Variants in KCNQ3 observed in about 807,000 individuals in gnomAD.
KCNQ3 encodes the protein potassium voltage-gated channel subfamily KQT member 3.
In KCNQ3, 30 loss-of-function variants were observed where a neutral mutation model predicts 92.5. That is an observed-to-expected ratio of 0.32 (90% confidence interval 0.24 to 0.44). The LOEUF is 0.44. KCNQ3 is among the 20% of genes least tolerant of loss of function. KCNQ3 has a pLI of 1.00. For synonymous variants in KCNQ3, 450 were observed against 468.8 expected, an observed-to-expected ratio of 0.96 and a Z score of 0.52; for missense variants, 913 against 1,140.3, an observed-to-expected ratio of 0.80 and a Z score of 2.87.
intron 1 of KCNQ3, among the ~76,000 whole-genome samples, chr8:132,408,389 G>A (rs1820554141): frequency 6.6e-6 from 1 of 152,056 alleles, no homozygotes; most frequent in African/African-American, 2.4e-5. Context: ...GGTCTTCTAG[G>A]CATCCCCCTG....
intron 6 of KCNQ3, 31 bp downstream of exon 6, chr8:132,174,208 A>T (rs905231917): frequency 1.4e-6 from 2 of 1,479,544 alleles, no homozygotes; most frequent in African/African-American, 2.8e-5. Flanking sequence ...TGCACGTCAC[A>T]TTGGGGATGT....
chr8:132,230,476 AGAGAG>A (rs1298083617), intron 1 of KCNQ3, among the ~76,000 whole-genome samples: 11 of 151,556 alleles, frequency 7.3e-5, no homozygotes, highest in African/African-American at 2.7e-4. Context: ...AGAGAGAGAG[AGAGAG>A]AAAATCCTTT....
At chr8:132,297,401 T>A (rs1346658219) in intron 1 of KCNQ3, among the ~76,000 whole-genome samples, 2 of 152,146 alleles carry the variant, frequency 1.3e-5, no homozygotes, top group Admixed American at 6.5e-5. Context: ...TTTAATTAGA[T>A]CCCATTTGTC....
chr8:132,404,465 G>A (rs1373175290), intron 1 of KCNQ3, among the ~76,000 whole-genome samples: 1 of 152,082 alleles, frequency 6.6e-6, no homozygotes, highest in African/African-American at 2.4e-5. Context: ...AATCAGGGTG[G>A]GTCTAATTCA....
At chr8:132,170,957 T>C (rs1343151114) in intron 7 of KCNQ3, among the ~76,000 whole-genome samples, 1 of 151,848 alleles carries the variant, frequency 6.6e-6, no homozygotes, top group African/African-American at 2.4e-5. Context: ...AGGTTGAGGC[T>C]GCAGTGAGCC....
rs117007137 is a variant in KCNQ3 at position 132,280,387 on chromosome 8, C to T, written c.387-94206G>A. 4.5e-3 allele frequency among the ~76,000 whole-genome samples: 680 copies of T among 152,254 alleles called. 2 individuals are homozygous for T. The highest frequency in any genetic ancestry group is 7.0e-3 in the Non-Finnish European group (473 of 68,024). ...GGAGGCCTTAGGGAGCTTTTACTCA[C>T]GGCAGAAAGCGAAGCAGCAGGAGCA... On this transcript the variant is annotated intron_variant, in intron 1 of 14. Coordinates refer to ENST00000388996, the MANE Select transcript of KCNQ3 (RefSeq NM_004519.4).
intron 1 of KCNQ3, among the ~76,000 whole-genome samples, chr8:132,225,873 C>G (rs1814398119): frequency 6.6e-6 from 1 of 152,218 alleles, no homozygotes; most frequent in Non-Finnish European, 1.5e-5. Flanking sequence ...TTCTCCTCAA[C>G]TGATATGAAC....
chr8:132,387,028 CT>C (rs1465428476), intron 1 of KCNQ3, among the ~76,000 whole-genome samples: 1 of 152,170 alleles, frequency 6.6e-6, no homozygotes, highest in East Asian at 1.9e-4. Flanking sequence ...AAACATCACA[CT>C]TTCCCCCACA....
At chr8:132,225,459 T>C (rs139451515) in intron 1 of KCNQ3, among the ~76,000 whole-genome samples, 213 of 152,290 alleles carry the variant, frequency 1.4e-3, no homozygotes, top group African/African-American at 5.0e-3. Flanking sequence ...TGAATTCAGA[T>C]ACATCAGAAG....
At chr8:132,181,689 A>G (rs973410390) in intron 3 of KCNQ3, among the ~76,000 whole-genome samples, 1 of 152,012 alleles carries the variant, frequency 6.6e-6, no homozygotes, top group Non-Finnish European at 1.5e-5. Context: ...ACACATCTCC[A>G]TATCTTTGTG....
chr8:132,441,896 T>C (rs1055898137), intron 1 of KCNQ3, among the ~76,000 whole-genome samples: 1 of 151,776 alleles, frequency 6.6e-6, no homozygotes, highest in African/African-American at 2.4e-5. Context: ...TATGGAGCCA[T>C]AAAAAAAATG....
intron 1 of KCNQ3, among the ~76,000 whole-genome samples, chr8:132,348,765 T>C (rs932216195): frequency 5.3e-5 from 8 of 152,196 alleles, no homozygotes; most frequent in African/African-American, 1.9e-4. Context: ...CCTTCTTGAC[T>C]TTCTAGGCTA....
chr8:132,352,185 C>T (rs1427704382), intron 1 of KCNQ3, among the ~76,000 whole-genome samples: 1 of 152,134 alleles, frequency 6.6e-6, no homozygotes, highest in Non-Finnish European at 1.5e-5. Context: ...AAGAAAGCAG[C>T]TGATCTGCAT....
chr8:132,352,216 T>C (rs1486254559), intron 1 of KCNQ3, among the ~76,000 whole-genome samples: 3 of 152,098 alleles, frequency 2.0e-5, no homozygotes, highest in Non-Finnish European at 4.4e-5. Context: ...AGCAGTGCTG[T>C]AAGACAGTGG....
chr8:132,187,063 A>C, intron 1 of KCNQ3: 1 of 408,554 alleles, frequency 2.4e-6, no homozygotes, highest in South Asian at 1.8e-5. Context: ...TCTTTGGCTT[A>C]GTTGTCAGTA....
chr8:132,353,348 A>T (rs1233183152), intron 1 of KCNQ3, among the ~76,000 whole-genome samples: 2 of 152,118 alleles, frequency 1.3e-5, no homozygotes, highest in African/African-American at 2.4e-5. Context: ...GGGGAATTTC[A>T]GGCAGAAGGA....
At chr8:132,251,724 T>A in intron 1 of KCNQ3, among the ~76,000 whole-genome samples, 1 of 152,202 alleles carries the variant, frequency 6.6e-6, no homozygotes, top group Non-Finnish European at 1.5e-5. Flanking sequence ...CTACTCAAGT[T>A]CTTTCTGGAA....
At chr8:132,288,577 C>T (rs555030715) in intron 1 of KCNQ3, among the ~76,000 whole-genome samples, 2 of 152,170 alleles carry the variant, frequency 1.3e-5, no homozygotes, top group Non-Finnish European at 2.9e-5. Context: ...AAGGCTGAGA[C>T]TGTCATATTT....
chr8:132,259,512 G>T (rs922114532), intron 1 of KCNQ3, among the ~76,000 whole-genome samples: 1 of 152,054 alleles, frequency 6.6e-6, no homozygotes, highest in East Asian at 1.9e-4. Context: ...TCTGATAAAA[G>T]ATATCTATTA....
Sources: gnomAD v4.1 joint callset for allele counts (sites outside exome capture counted in the v4.1 genomes callset) on GRCh38, gnomAD v4.1.1 for gene constraint, MANE v1.5 for transcripts, NCBI Gene and HGNC (gene_info 2026-07-23, HGNC 2026-07-21) for gene names.